The following VIPR2 variants were observed in gnomAD, a reference collection of about 807,000 sequenced individuals.
The protein encoded by VIPR2 is vasoactive intestinal polypeptide receptor 2.
A neutral mutation model predicts 58.0 loss-of-function variants in VIPR2; 48 were observed. That is an observed-to-expected ratio of 0.83 (90% confidence interval 0.66 to 1.05). The LOEUF (loss-of-function observed/expected upper bound fraction) is 1.05. Ranked by LOEUF, VIPR2 falls within the 50% of genes least tolerant of loss-of-function variation. The pLI is 0.00. For missense variants in VIPR2, 534 were observed against 558.0 expected (o/e 0.96, Z 0.43); for synonymous variants, 243 against 235.2 (o/e 1.03, Z -0.30).
rs1446153607 is a variant in VIPR2 at position 159,098,400 on chromosome 7, A to C, written c.357+5357T>G. 6.6e-6 allele frequency among the ~76,000 whole-genome samples: 1 copy of C among 152,038 alleles called. No individual in the cohort carries two copies. Among genetic ancestry groups the C allele is most frequent in the African/African-American group, 2.4e-5 (1 of 41,394 alleles). Reference sequence around the variant, plus strand: ...TGATACACTGTGGATGAAACCCTTTACTCAGTGAAGACCTAAGACTCCCCC... The same window carrying C: ...TGATACACTGTGGATGAAACCCTTTCCTCAGTGAAGACCTAAGACTCCCCC... On this transcript the variant is annotated intron_variant, in intron 4 of 12. Transcript: ENST00000262178. The surrounding 1 kb of genome is among the most constrained non-coding windows in gnomAD (Gnocchi z 5.2).
intron 4 of VIPR2, among the ~76,000 whole-genome samples, chr7:159,061,339 A>G (rs985504687): frequency 4.5e-5 from 5 of 111,746 alleles, no homozygotes; most frequent in African/African-American, 1.6e-4. Context: ...TGAGTCTAAA[A>G]TAAAAGTTGA....
chr7:159,092,231 ATGGACGGC>A (rs1857546169), intron 4 of VIPR2, among the ~76,000 whole-genome samples: 1 of 152,210 alleles, frequency 6.6e-6, no homozygotes, highest in African/African-American at 2.4e-5. Flanking sequence ...GGACACAGCA[ATGGACGGC>A]TGGGGCCCAG....
chr7:159,131,663 T>C (rs370062927), intron 2 of VIPR2, among the ~76,000 whole-genome samples: 1 of 152,240 alleles, frequency 6.6e-6, no homozygotes, highest in Non-Finnish European at 1.5e-5. Flanking sequence ...ACATTTTTTC[T>C]GAATCTGCTG....
intron 4 of VIPR2, among the ~76,000 whole-genome samples, chr7:159,092,656 T>C (rs1349042400): frequency 6.7e-6 from 1 of 150,034 alleles, no homozygotes; most frequent in Admixed American, 6.6e-5. Flanking sequence ...TTTTCTTTTT[T>C]TTTTTTTTTT....
At chr7:159,070,036 T>A (rs1172435953) in intron 4 of VIPR2, among the ~76,000 whole-genome samples, 2 of 152,194 alleles carry the variant, frequency 1.3e-5, no homozygotes, top group Non-Finnish European at 2.9e-5. Context: ...CAGAACCTGT[T>A]TGCTTTGTCC....
At chr7:159,135,431 G>A (rs1304747841) in intron 2 of VIPR2, among the ~76,000 whole-genome samples, 2 of 151,692 alleles carry the variant, frequency 1.3e-5, no homozygotes, top group Non-Finnish European at 2.9e-5. Flanking sequence ...GTGAGGCTCC[G>A]TTTCAAAAAA....
At chr7:159,132,539 C>T (rs1174215592) in intron 2 of VIPR2, among the ~76,000 whole-genome samples, 1 of 152,376 alleles carries the variant, frequency 6.6e-6, no homozygotes, top group South Asian at 2.1e-4. Context: ...GAGTCTGGGA[C>T]ACCCCATCTG....
chr7:159,114,505 C>T (rs1796158577), intron 2 of VIPR2, among the ~76,000 whole-genome samples: 1 of 152,048 alleles, frequency 6.6e-6, no homozygotes, highest in Non-Finnish European at 1.5e-5. Context: ...TCAAAGGTCG[C>T]TCTGAAAAGT....
chr7:159,103,482 C>A (rs1858425486), intron 4 of VIPR2, among the ~76,000 whole-genome samples: 1 of 152,186 alleles, frequency 6.6e-6, no homozygotes, highest in Non-Finnish European at 1.5e-5. Context: ...GGGCCACTCT[C>A]AGGTTCTCCT....
intron 6 of VIPR2, among the ~76,000 whole-genome samples, 178 bp from the exon 7 acceptor site, chr7:159,037,080 G>C (rs555812541): frequency 3.3e-5 from 5 of 152,194 alleles, no homozygotes; most frequent in Non-Finnish European, 7.4e-5. Flanking sequence ...AGGAATGCCT[G>C]CTGGTGGCAC....
chr7:159,106,454 AG>A (rs1858658110), intron 3 of VIPR2, among the ~76,000 whole-genome samples: 1 of 116,318 alleles, frequency 8.6e-6, no homozygotes, highest in Non-Finnish European at 1.7e-5. Context: ...GAGGCCAGGG[AG>A]GGGCAGAGAG....
intron 2 of VIPR2, 109 bp downstream of exon 2, chr7:159,142,337 C>CTTTT (rs71302077): frequency 9.7e-5 from 61 of 630,156 alleles, no homozygotes; most frequent in African/African-American, 1.7e-4. Flanking sequence ...CTTTCTTTTT[C>CTTTT]TTTTTTTTTT....
At chr7:159,112,587 C>T (rs1796058371) in intron 2 of VIPR2, among the ~76,000 whole-genome samples, 1 of 152,166 alleles carries the variant, frequency 6.6e-6, no homozygotes, top group Admixed American at 6.5e-5. Flanking sequence ...AAGCGAGAGA[C>T]AGGCCATCGG....
At chr7:159,091,856 A>G (rs1857526172) in intron 4 of VIPR2, among the ~76,000 whole-genome samples, 1 of 152,222 alleles carries the variant, frequency 6.6e-6, no homozygotes, top group East Asian at 1.9e-4. Context: ...GGCCAGGGGC[A>G]GGGGCTCATG....
chr7:159,104,671 C>T (rs576520558), intron 3 of VIPR2, among the ~76,000 whole-genome samples: 12 of 151,380 alleles, frequency 7.9e-5, no homozygotes, highest in African/African-American at 2.2e-4. Flanking sequence ...AACACCCTCC[C>T]TCCTCCTGAC....
At chr7:159,034,532 C>G in intron 9 of VIPR2, 49 bp downstream of exon 9, 1 of 1,562,636 alleles carries the variant, frequency 6.4e-7, no homozygotes, top group Non-Finnish European at 8.8e-7. Context: ...GCTGTCTGCC[C>G]AAGTGTGTGA....
chr7:159,096,914 C>G lies in VIPR2; in HGVS notation c.357+6843G>C, dbSNP rs1296879652. On this transcript the variant is annotated intron_variant, in intron 4 of 12. Transcript: ENST00000262178. This position sits in a 1 kb window ranked among gnomAD's most constrained non-coding sequence, Gnocchi z 5.5. ...CGCCTTGCTGTCCCCGTTCCCATCA[C>G]TCGATGAGCCAATGCCCTCGTGGCT... is the stretch of plus-strand genomic sequence containing the variant. 6.4e-7 allele frequency: 1 copy of G among 1,550,846 alleles called. No homozygotes were observed. Among genetic ancestry groups the G allele is most frequent in the Non-Finnish European group, 8.7e-7 (1 of 1,147,128 alleles).
At chr7:159,134,798 G>C (rs866839326) in intron 2 of VIPR2, among the ~76,000 whole-genome samples, 4 of 151,646 alleles carry the variant, frequency 2.6e-5, no homozygotes, top group Non-Finnish European at 5.9e-5. Context: ...GCTGGGACTA[G>C]AGGCGCCCGC....
intron 4 of VIPR2, among the ~76,000 whole-genome samples, chr7:159,062,851 T>A (rs1168021250): frequency 3.6e-5 from 4 of 110,808 alleles, no homozygotes; most frequent in Non-Finnish European, 6.3e-5. Context: ...TCTGTTTTAC[T>A]GAGAGCTGAT....
Sources: gnomAD v4.1 joint callset for allele counts (sites outside exome capture counted in the v4.1 genomes callset) on GRCh38, gnomAD v4.1.1 for gene constraint, Gnocchi (gnomAD v3.1) non-coding constraint, MANE v1.5 for transcripts, NCBI Gene and HGNC (gene_info 2026-07-23, HGNC 2026-07-21) for gene names.